CPSF3: variants seen among roughly 807,000 people sequenced by gnomAD.
CPSF3 encodes cleavage and polyadenylation specific factor 3.
A neutral mutation model predicts 84.1 loss-of-function variants in CPSF3; 57 were observed. That is an observed-to-expected ratio of 0.68 (90% confidence interval 0.55 to 0.85). CPSF3 has a LOEUF of 0.85. CPSF3 is among the 40% of genes least tolerant of loss of function. CPSF3 has a pLI of 0.00. For missense variants in CPSF3, 522 were observed against 838.8 expected (o/e 0.62, Z 4.66); for synonymous variants, 275 against 278.1 (o/e 0.99, Z 0.11).
intron 6 of CPSF3, among the ~76,000 whole-genome samples, chr2:9,435,345 T>C (rs1193642577): frequency 6.6e-6 from 1 of 152,058 alleles, no homozygotes; most frequent in Non-Finnish European, 1.5e-5. Context: ...GAAAGCAAAA[T>C]GGTTAAAAAA....
chr2:9,448,589 G>A (rs528967510), intron 11 of CPSF3, among the ~76,000 whole-genome samples: 28 of 152,108 alleles, frequency 1.8e-4, no homozygotes, highest in Non-Finnish European at 3.4e-4. Flanking sequence ...ACGGAGTCTC[G>A]CTCTGTCACC....
At chr2:9,433,761 T>C in intron 5 of CPSF3, 110 bp from the exon 6 acceptor site, 1 of 715,986 alleles carries the variant, frequency 1.4e-6, no homozygotes, top group Non-Finnish European at 2.5e-6. Flanking sequence ...TTCATCAGTT[T>C]TAGACTTAAA....
rs1003574693 is a variant in CPSF3, at chr2:9,433,955, A to G, written c.604A>G (p.Ile202Val). The G allele has an allele frequency of 1.3e-6, 2 of 1,557,046 alleles. No individual in the cohort carries two copies. The highest frequency in any genetic ancestry group is 1.4e-5 in the African/African-American group (1 of 73,712). ...EIPNIKPDILIIESTYGTHIH... is the reference protein window; with the variant it reads ...EIPNIKPDILVIESTYGTHIH... ...TCCTAATATTAAGCCTGATATTCTT[A>G]TCATTGTAAGTATTAATATACTATA... is the stretch of plus-strand genomic sequence containing the variant. Residue 202 changes from isoleucine (I) to valine (V), a missense_variant, in exon 6 of 18, where the codon ATC (isoleucine) becomes GTC (valine). Ile to Val is a conservative substitution (Grantham distance 29). This residue lies in a region of CPSF3 where 329 missense variants were observed against 607.2 expected (regional missense o/e 0.54). Transcript: ENST00000238112.
chr2:9,430,708 T>C, intron 3 of CPSF3, 44 bp from the exon 4 acceptor site: 2 of 1,571,154 alleles, frequency 1.3e-6, no homozygotes, highest in Non-Finnish European at 1.7e-6. Flanking sequence ...TGGTATCTGA[T>C]GGATAATAAT....
chr2:9,452,793 C>T (rs1681378219), intron 11 of CPSF3, 120 bp from the exon 12 acceptor site: 1 of 650,720 alleles, frequency 1.5e-6, no homozygotes, highest in Non-Finnish European at 2.7e-6. Context: ...GTGGTTAAAT[C>T]CATATGTTGT....
chr2:9,463,160 C>T (rs1262764176), intron 15 of CPSF3, among the ~76,000 whole-genome samples: 3 of 152,276 alleles, frequency 2.0e-5, no homozygotes, highest in South Asian at 4.1e-4. Context: ...GGGCAGATCC[C>T]ATAGGGTCTT....
intron 15 of CPSF3, among the ~76,000 whole-genome samples, chr2:9,464,701 C>G (rs1232263277): frequency 6.6e-6 from 1 of 152,068 alleles, no homozygotes; most frequent in Non-Finnish European, 1.5e-5. Context: ...AAGTGGTCCT[C>G]CCACCTCAGC....
chr2:9,468,315 T>G (rs1416064639), intron 16 of CPSF3, among the ~76,000 whole-genome samples: 1 of 152,172 alleles, frequency 6.6e-6, no homozygotes, highest in African/African-American at 2.4e-5. Context: ...CATTGCAGCC[T>G]TGACTCCCAG....
rs572670490 is a variant in CPSF3 at position 9,424,083 on chromosome 2, A to C, written c.50+260A>C. 184 of 1,218,508 alleles carry C rather than the reference A, an allele frequency of 1.5e-4. 1 individual carries two copies. In the Middle Eastern group the frequency reaches 4.6e-3, roughly 30 times the overall value. The allele number at this position is 1,218,508 out of a possible 1,614,324, so 75.5% of individuals were successfully genotyped here. ...TTGGAGTCGGAAAAAAAAAAGTTTT[A>C]CGGGGCCACCGCTCGCTTTCGTACA... On this transcript the variant is annotated intron_variant, in intron 1 of 17. Transcript: ENST00000238112.
At position 9,452,041 on chromosome 2, in the gene CPSF3, T is replaced by C. The variant is rs372128145; in HGVS notation, c.1396-872T>C. Among the ~76,000 whole-genome samples the C allele has an allele frequency of 6.3e-4, 96 of 152,224 alleles. 1 individual carries two copies. Among genetic ancestry groups the C allele is most frequent in the African/African-American group, 2.3e-3 (94 of 41,560 alleles). ...ATAAATGAAACTTTTTAAAAATGAA[T>C]AGTGGGGCTGGGTGTCATGGCTCAC... On this transcript the variant is annotated intron_variant, in intron 11 of 17. Coordinates refer to ENST00000238112, the MANE Select transcript of CPSF3 (RefSeq NM_016207.4).
chr2:9,425,713 T>A (rs948294028), intron 1 of CPSF3, among the ~76,000 whole-genome samples: 1 of 151,828 alleles, frequency 6.6e-6, no homozygotes, highest in Non-Finnish European at 1.5e-5. Context: ...ATTTGGGAAT[T>A]TGGTTGTTTC....
chr2:9,466,355 CA>C (rs1681966801), intron 15 of CPSF3, among the ~76,000 whole-genome samples: 5 of 137,020 alleles, frequency 3.6e-5, no homozygotes, highest in African/African-American at 6.2e-5. Context: ...CGCGCGCGCA[CA>C]CACACACGCA....
At chr2:9,466,236 GCGCGCACGCA>G (rs1355369776) in intron 15 of CPSF3, among the ~76,000 whole-genome samples, 23 of 133,746 alleles carry the variant, frequency 1.7e-4, no homozygotes, top group East Asian at 8.6e-4. Context: ...ACACACACGT[GCGCGCACGCA>G]CGCGCACACA....
At chr2:9,459,112 C>CAA (rs553161569) in intron 14 of CPSF3, among the ~76,000 whole-genome samples, 1 of 135,608 alleles carries the variant, frequency 7.4e-6, no homozygotes. Flanking sequence ...AATTCCATCT[C>CAA]AAAAAAAAAA....
intron 15 of CPSF3, among the ~76,000 whole-genome samples, chr2:9,462,831 T>C (rs1681776917): frequency 6.6e-6 from 1 of 152,230 alleles, no homozygotes; most frequent in African/African-American, 2.4e-5. Context: ...AGAGGTTCAT[T>C]GCAGACAGGT....
intron 1 of CPSF3, 91 bp from the exon 2 acceptor site, chr2:9,428,674 C>A: frequency 2.6e-6 from 2 of 783,376 alleles, no homozygotes; most frequent in Non-Finnish European, 4.4e-6. Flanking sequence ...CATCAGATGG[C>A]ATGTAGTGTA....
At position 9,436,223 on chromosome 2, in the gene CPSF3, G is replaced by A; in HGVS notation, c.622G>A (p.Gly208Arg). 6.2e-7 allele frequency: 1 copy of A among 1,602,100 alleles called. No homozygotes were observed. The highest frequency in any genetic ancestry group is 8.5e-7 in the Non-Finnish European group (1 of 1,175,078). Residue 208 changes from glycine to arginine, a missense_variant, in exon 7 of 18, where the codon GGG becomes AGG. Physicochemically the swap from Gly to Arg is moderately radical, Grantham distance 125. Around this residue, in one of 2 missense-constraint regions of CPSF3, gnomAD observed 329 missense variants for 607.2 expected, o/e 0.54. Transcript: ENST00000238112. Reference sequence around the variant, plus strand: ...ATGTATTATTTAGGAATCTACTTATGGGACCCATATCCATGAGAAACGTGA... The same window carrying A: ...ATGTATTATTTAGGAATCTACTTATAGGACCCATATCCATGAGAAACGTGA... ...PDILIIESTY[G>R]THIHEKREER...
At chr2:9,449,596 G>C (rs1681247977) in intron 11 of CPSF3, among the ~76,000 whole-genome samples, 1 of 152,114 alleles carries the variant, frequency 6.6e-6, no homozygotes, top group Non-Finnish European at 1.5e-5. Flanking sequence ...ACAAAAATTA[G>C]CTGGGTGCAG....
At chr2:9,426,958 A>G (rs1202819316) in intron 1 of CPSF3, among the ~76,000 whole-genome samples, 1 of 152,038 alleles carries the variant, frequency 6.6e-6, no homozygotes, top group East Asian at 1.9e-4. Flanking sequence ...GAGTATAGCG[A>G]ATTGAGGAGC....
Sources: gnomAD v4.1 joint callset for allele counts (sites outside exome capture counted in the v4.1 genomes callset) on GRCh38, gnomAD v4.1.1 for gene constraint, gnomAD v4.1.1 regional missense constraint, MANE v1.5 for transcripts, NCBI Gene and HGNC (gene_info 2026-07-23, HGNC 2026-07-21) for gene names.